Variants in ARHGAP15 observed in about 807,000 individuals in gnomAD.
ARHGAP15 encodes the protein Rho GTPase activating protein 15, also known as rho GTPase-activating protein 15.
A neutral mutation model predicts 63.7 loss-of-function variants in ARHGAP15; 51 were observed. The ratio of observed to expected loss-of-function variants is 0.80; its 90% CI spans 0.64 to 1.01. The LOEUF (loss-of-function observed/expected upper bound fraction) is 1.01, where lower values mean the gene tolerates loss of function less well. Among genes scored for constraint, ARHGAP15 ranks in the 50% least tolerant of loss-of-function variants. ARHGAP15 has a pLI of 0.00. For synonymous variants in ARHGAP15, 191 were observed against 193.8 expected (o/e 0.99, Z 0.12); for missense variants, 560 against 564.6 (o/e 0.99, Z 0.08).
chr2:143,143,570 T>G (rs1464471841), intron 1 of ARHGAP15, among the ~76,000 whole-genome samples: 1 of 150,608 alleles, frequency 6.6e-6, no homozygotes, highest in Non-Finnish European at 1.5e-5. Context: ...TTTCTTTCTT[T>G]TTTTTTTTTT....
intron 2 of ARHGAP15, among the ~76,000 whole-genome samples, chr2:143,173,167 C>T (rs1399886988): frequency 6.6e-6 from 1 of 151,870 alleles, no homozygotes; most frequent in Non-Finnish European, 1.5e-5. Context: ...TGAGTCAAAA[C>T]TAGTAGATGT....
At chr2:143,529,789 C>T (rs1311374631) in intron 10 of ARHGAP15, among the ~76,000 whole-genome samples, 4 of 152,130 alleles carry the variant, frequency 2.6e-5, no homozygotes, top group Admixed American at 1.3e-4. Context: ...ATAACCATCC[C>T]GCCATGATCT....
intron 11 of ARHGAP15, chr2:143,601,602 G>T (rs1029757279): frequency 2.6e-5 from 4 of 152,042 alleles, no homozygotes; most frequent in Non-Finnish European, 4.4e-5. Flanking sequence ...CATACCAATC[G>T]TAAGTATAAT....
At chr2:143,431,703 A>G (rs1689396667) in intron 6 of ARHGAP15, among the ~76,000 whole-genome samples, 1 of 151,970 alleles carries the variant, frequency 6.6e-6, no homozygotes, top group Non-Finnish European at 1.5e-5. Context: ...TATTTATCCA[A>G]ACAGATTGTG....
At chr2:143,279,155 T>C (rs1433507738) in intron 6 of ARHGAP15, among the ~76,000 whole-genome samples, 9 of 152,140 alleles carry the variant, frequency 5.9e-5, no homozygotes, top group African/African-American at 1.7e-4. Context: ...ATGTAAAAGA[T>C]GTTATTATTT....
chr2:143,196,534 A>T (rs1277773306), intron 2 of ARHGAP15, among the ~76,000 whole-genome samples: 1 of 152,064 alleles, frequency 6.6e-6, no homozygotes, highest in Admixed American at 6.6e-5. Flanking sequence ...AGACATAATT[A>T]TGCCACCTTG....
At chr2:143,180,056 G>T (rs1691173958) in intron 2 of ARHGAP15, among the ~76,000 whole-genome samples, 1 of 152,194 alleles carries the variant, frequency 6.6e-6, no homozygotes. Context: ...AGGGCAAAGT[G>T]GCTGTGGCAA....
intron 12 of ARHGAP15, among the ~76,000 whole-genome samples, chr2:143,638,264 A>ATGAT (rs1446247423): frequency 6.9e-6 from 1 of 144,782 alleles, no homozygotes; most frequent in African/African-American, 2.5e-5. Context: ...ATGTCCAACA[A>ATGAT]TGATAGACTG....
chr2:143,197,297 A>G (rs1364193104), intron 2 of ARHGAP15, among the ~76,000 whole-genome samples: 1 of 151,994 alleles, frequency 6.6e-6, no homozygotes, highest in African/African-American at 2.4e-5. Context: ...GTTCATAAGG[A>G]CATCTAATGT....
rs762001609 is a variant in ARHGAP15 at position 143,654,362 on chromosome 2, T to C, written c.1138+30095T>C. On this transcript the variant is annotated intron_variant, in intron 12 of 13. Transcript: ENST00000295095. ...CTGCAATCATCCTCAGTGAGGTCAC[T>C]ATAACTTACTCAAAAAGGAGTTGAG... is the stretch of plus-strand genomic sequence containing the variant. Among the ~76,000 whole-genome samples, 6 of 152,196 alleles carry C rather than the reference T, an allele frequency of 3.9e-5. No individual in the cohort carries two copies. The South Asian group carries it at 1.2e-3, about 32-fold the overall frequency.
chr2:143,250,542 T>C lies in ARHGAP15; in HGVS notation c.416T>C (p.Leu139Ser). 6.2e-7 allele frequency: 1 copy of C among 1,613,514 alleles called. No individual in the cohort carries two copies. The highest frequency in any genetic ancestry group is 8.5e-7 in the Non-Finnish European group (1 of 1,179,546). ...GGGCACAAACCAGAAAGTGTGGATTTGTGTGGAGCACACATTGAATGGGCC... is the reference window on the plus strand; with the variant it reads ...GGGCACAAACCAGAAAGTGTGGATTCGTGTGGAGCACACATTGAATGGGCC... Reference protein sequence around the residue: ...KTGHKPESVDLCGAHIEWAKE... With the variant: ...KTGHKPESVDSCGAHIEWAKE... Residue 139 changes from leucine to serine, a missense_variant, in exon 6 of 14, where the codon TTG becomes TCG. Coordinates refer to ENST00000295095, the MANE Select transcript of ARHGAP15 (RefSeq NM_018460.4).
intron 6 of ARHGAP15, among the ~76,000 whole-genome samples, chr2:143,260,614 C>A (rs952789146): frequency 6.6e-6 from 1 of 152,068 alleles, no homozygotes; most frequent in African/African-American, 2.4e-5. Context: ...GAATTATATA[C>A]TGAATTAATA....
At chr2:143,725,576 A>G (rs1213562926) in intron 13 of ARHGAP15, among the ~76,000 whole-genome samples, 1 of 152,174 alleles carries the variant, frequency 6.6e-6, no homozygotes, top group African/African-American at 2.4e-5. Flanking sequence ...CTTTTTTCTT[A>G]TCACAACCCC....
intron 12 of ARHGAP15, among the ~76,000 whole-genome samples, chr2:143,663,859 G>A (rs991290515): frequency 6.6e-6 from 1 of 152,036 alleles, no homozygotes; most frequent in Non-Finnish European, 1.5e-5. Context: ...TCAACAAGAA[G>A]AACTAACCTA....
chr2:143,441,746 T>A (rs138071286), intron 8 of ARHGAP15, among the ~76,000 whole-genome samples: 12 of 152,076 alleles, frequency 7.9e-5, no homozygotes, highest in Non-Finnish European at 1.6e-4. Context: ...GAAATGAACA[T>A]GAGTTAGAAG....
At chr2:143,173,805 A>G (rs1285973560) in intron 2 of ARHGAP15, among the ~76,000 whole-genome samples, 2 of 152,152 alleles carry the variant, frequency 1.3e-5, no homozygotes, top group East Asian at 3.9e-4. Flanking sequence ...GTTCAAGAGT[A>G]CAATAGTACC....
chr2:143,224,960 C>T (rs181995590), intron 4 of ARHGAP15, among the ~76,000 whole-genome samples: 117 of 152,236 alleles, frequency 7.7e-4, no homozygotes, highest in Middle Eastern at 3.4e-3. Flanking sequence ...AACCAAACAC[C>T]GCATGTTCTC....
intron 5 of ARHGAP15, among the ~76,000 whole-genome samples, chr2:143,241,878 T>A (rs898807684): frequency 6.6e-6 from 1 of 152,120 alleles, no homozygotes; most frequent in East Asian, 1.9e-4. Context: ...GGTACAGGGA[T>A]GTTACCATGT....
chr2:143,637,110 C>T (rs569479930), intron 12 of ARHGAP15, among the ~76,000 whole-genome samples: 51 of 152,030 alleles, frequency 3.4e-4, no homozygotes, highest in African/African-American at 4.6e-4. Flanking sequence ...TGTTGCCCCC[C>T]CCAAAGACCC....
Sources: gnomAD v4.1 joint callset for allele counts (sites outside exome capture counted in the v4.1 genomes callset) on GRCh38, gnomAD v4.1.1 for gene constraint, MANE v1.5 for transcripts, NCBI Gene and HGNC (gene_info 2026-07-23, HGNC 2026-07-21) for gene names.